PIK3R3: variants seen among roughly 807,000 people sequenced by gnomAD.
PIK3R3 encodes the protein phosphatidylinositol 3-kinase regulatory subunit gamma.
A neutral mutation model predicts 62.9 loss-of-function variants in PIK3R3; 64 were observed. That is an observed-to-expected ratio of 1.02 (90% CI 0.83 to 1.25). PIK3R3 has a LOEUF of 1.25. PIK3R3 is among the 50% of genes most tolerant of loss of function. PIK3R3 has a pLI of 0.00. For synonymous variants in PIK3R3, 165 were observed against 189.0 expected, an observed-to-expected ratio of 0.87 and a Z score of 1.04; for missense variants, 614 against 561.6, an observed-to-expected ratio of 1.09 and a Z score of -0.94.
At chr1:46,171,317 C>G in the PIK3R3 span, among the ~76,000 whole-genome samples, 1 of 152,328 alleles carries the variant, frequency 6.6e-6, no homozygotes, top group South Asian at 2.1e-4. Context: ...GCAGTCCTTC[C>G]ACCCAGCTTC....
chr1:46,079,622 C>T (rs1650387636), intron 2 of PIK3R3, among the ~76,000 whole-genome samples: 1 of 152,136 alleles, frequency 6.6e-6, no homozygotes, highest in African/African-American at 2.4e-5. Context: ...GAAATCCATC[C>T]TCAATATAGT....
At chr1:46,049,462 T>C (rs1647201641) in intron 7 of PIK3R3, among the ~76,000 whole-genome samples, 1 of 152,202 alleles carries the variant, frequency 6.6e-6, no homozygotes, top group African/African-American at 2.4e-5. Flanking sequence ...CTGGCTGAAG[T>C]AGAAAACGGG....
At chr1:46,045,684 A>C (rs1647096418) in intron 9 of PIK3R3, among the ~76,000 whole-genome samples, 1 of 137,024 alleles carries the variant, frequency 7.3e-6, no homozygotes. Flanking sequence ...GACACCTGAA[A>C]TCCAACAGCA....
the PIK3R3 span, among the ~76,000 whole-genome samples, chr1:46,157,935 C>T: frequency 1.3e-5 from 2 of 152,206 alleles, no homozygotes; most frequent in Admixed American, 1.3e-4. Context: ...GAGTTAACAG[C>T]ACATTTTTAT....
intron 6 of PIK3R3, among the ~76,000 whole-genome samples, chr1:46,060,231 TA>T (rs1200788443): frequency 1.3e-5 from 2 of 152,214 alleles, no homozygotes; most frequent in African/African-American, 4.8e-5. Context: ...CTCAAGCCTG[TA>T]ATCCCAGCAC....
At chr1:46,106,604 A>G (rs957534876) in intron 1 of PIK3R3, among the ~76,000 whole-genome samples, 1 of 152,192 alleles carries the variant, frequency 6.6e-6, no homozygotes, top group Non-Finnish European at 1.5e-5. Context: ...GATACATTAT[A>G]TTTACACTTT....
At chr1:46,089,446 T>A (rs1418055084) in intron 1 of PIK3R3, among the ~76,000 whole-genome samples, 1 of 152,142 alleles carries the variant, frequency 6.6e-6, no homozygotes, top group Non-Finnish European at 1.5e-5. Context: ...CCAGGTGTGG[T>A]GGCTCACGCC....
intron 3 of PIK3R3, among the ~76,000 whole-genome samples, chr1:46,071,759 A>AGAGAGAGAGAGAGAGAGAGAGAGCGAGC: frequency 1.0e-5 from 1 of 100,128 alleles, no homozygotes; most frequent in East Asian, 2.5e-4. Flanking sequence ...AGAGAGAGAG[A>AGAGAGAGAGAGAGAGAGAGAGAGCGAGC]GCGCGCGCCT....
intron 1 of PIK3R3, among the ~76,000 whole-genome samples, chr1:46,095,579 A>G (rs1652042095): frequency 6.6e-6 from 1 of 152,192 alleles, no homozygotes; most frequent in Non-Finnish European, 1.5e-5. Context: ...AGGTGATGGG[A>G]TGATCTGTGT....
At chr1:46,170,712 C>T in the PIK3R3 span, among the ~76,000 whole-genome samples, 27,025 of 152,142 alleles carry the variant, frequency 0.18, 2,656 homozygotes, top group South Asian at 0.39. Flanking sequence ...CGAGCCACCG[C>T]GCCTGGCCCT....
chr1:46,079,264 A>G (rs1436194828), intron 2 of PIK3R3, among the ~76,000 whole-genome samples: 1 of 152,242 alleles, frequency 6.6e-6, no homozygotes, highest in African/African-American at 2.4e-5. Flanking sequence ...CACTAAAGCA[A>G]GTTTAACAAG....
intron 1 of PIK3R3, among the ~76,000 whole-genome samples, chr1:46,105,853 AAATT>A (rs1193159313): frequency 3.3e-5 from 5 of 152,230 alleles, no homozygotes; most frequent in Non-Finnish European, 5.9e-5. Context: ...TCAAAAAAAT[AAATT>A]AATTAATTAA....
rs146500781 is a variant in PIK3R3 at position 46,098,230 on chromosome 1, G to C, written c.107-17480C>G. 5.3e-3 allele frequency among the ~76,000 whole-genome samples: 812 copies of C among 152,286 alleles called. 3 individuals are homozygous for C. Among genetic ancestry groups the C allele is most frequent in the South Asian group, 0.015 (72 of 4,820 alleles). On this transcript the variant is annotated intron_variant, in intron 1 of 9. Coordinates refer to ENST00000262741, the MANE Select transcript of PIK3R3 (RefSeq NM_003629.4). ...GTGACATACTACCTCACATCCACTA[G>C]GATAGCTATAATCAAAAAGATACAT...
At chr1:46,113,079 A>T (rs908243499) in intron 1 of PIK3R3, among the ~76,000 whole-genome samples, 1 of 152,162 alleles carries the variant, frequency 6.6e-6, no homozygotes, top group Non-Finnish European at 1.5e-5. Flanking sequence ...CTGTACTAAA[A>T]TAGCCTCCTA....
At chr1:46,104,949 A>AAC (rs1553153527) in intron 1 of PIK3R3, 21 of 539,478 alleles carry the variant, frequency 3.9e-5, no homozygotes, top group Admixed American at 1.5e-4. Context: ...AAAAAAAAAA[A>AAC]ACACACACTA....
chr1:46,167,017 C>T, the PIK3R3 span, among the ~76,000 whole-genome samples: 1 of 152,232 alleles, frequency 6.6e-6, no homozygotes, highest in African/African-American at 2.4e-5. Context: ...TTTCCTGACT[C>T]CGCGCCCGGC....
At chr1:46,058,102 T>C (rs1648111181) in intron 6 of PIK3R3, among the ~76,000 whole-genome samples, 1 of 152,188 alleles carries the variant, frequency 6.6e-6, no homozygotes, top group East Asian at 1.9e-4. Flanking sequence ...CAGCCATGGC[T>C]GAAAGGGGCC....
chr1:46,127,356 A>AT (rs10647944), intron 1 of PIK3R3, among the ~76,000 whole-genome samples: 23,794 of 132,348 alleles, frequency 0.18, 2,337 homozygotes, highest in African/African-American at 0.2. Flanking sequence ...AAAAAAAAAA[A>AT]ATATATATAT....
At chr1:46,051,897 G>C (rs1361522328) in intron 7 of PIK3R3, among the ~76,000 whole-genome samples, 1 of 151,952 alleles carries the variant, frequency 6.6e-6, no homozygotes, top group Non-Finnish European at 1.5e-5. Flanking sequence ...ATACACTTTG[G>C]GAGGCCGAGG....
Sources: gnomAD v4.1 joint callset for allele counts (sites outside exome capture counted in the v4.1 genomes callset) on GRCh38, gnomAD v4.1.1 for gene constraint, MANE v1.5 for transcripts, NCBI Gene and HGNC (gene_info 2026-07-23, HGNC 2026-07-21) for gene names.